The following PELI1 variants were observed in gnomAD, a reference collection of about 807,000 sequenced individuals.
The protein encoded by PELI1 is pellino E3 ubiquitin protein ligase 1.
Under a neutral mutation model 41.3 loss-of-function variants are expected in PELI1, and 15 were observed. That is an observed-to-expected ratio of 0.36 (90% CI 0.24 to 0.56). The LOEUF is 0.56. PELI1 is among the 20% of genes least tolerant of loss of function. The pLI, the probability that PELI1 is intolerant of heterozygous loss-of-function variation, is 0.82. For synonymous variants in PELI1, 178 were observed against 180.1 expected, an observed-to-expected ratio of 0.99 and a Z score of 0.09; for missense variants, 403 against 525.5, an observed-to-expected ratio of 0.77 and a Z score of 2.28.
intron 3 of PELI1, among the ~76,000 whole-genome samples, chr2:64,102,393 G>A (rs1038497668): frequency 2.6e-5 from 4 of 151,798 alleles, no homozygotes; most frequent in East Asian, 3.9e-4. Flanking sequence ...ACCAGGTTTC[G>A]CTATGTGGCA....
intron 1 of PELI1, among the ~76,000 whole-genome samples, chr2:64,136,780 A>G (rs1445247846): frequency 6.6e-6 from 1 of 152,114 alleles, no homozygotes; most frequent in Non-Finnish European, 1.5e-5. Context: ...GTGTGCGCCT[A>G]TAATCCCAGC....
At chr2:64,128,438 A>G (rs1389810505) in intron 1 of PELI1, among the ~76,000 whole-genome samples, 1 of 152,144 alleles carries the variant, frequency 6.6e-6, no homozygotes, top group Non-Finnish European at 1.5e-5. Context: ...AAGTGATTAG[A>G]ATTGCAAATG....
intron 1 of PELI1, among the ~76,000 whole-genome samples, chr2:64,115,530 G>A (rs561348817): frequency 6.6e-6 from 1 of 152,312 alleles, no homozygotes; most frequent in East Asian, 1.9e-4. Flanking sequence ...TAAGGGAACT[G>A]AGTAGGTCAG....
intron 1 of PELI1, among the ~76,000 whole-genome samples, chr2:64,124,325 G>A (rs1341450426): frequency 6.6e-6 from 1 of 152,086 alleles, no homozygotes; most frequent in African/African-American, 2.4e-5. Context: ...ATAAAGCGAA[G>A]CAAGCAAGCA....
At chr2:64,104,915 A>G in intron 2 of PELI1, 85 bp from the exon 3 acceptor site, 1 of 1,127,780 alleles carries the variant, frequency 8.9e-7, no homozygotes, top group Non-Finnish European at 1.3e-6. Flanking sequence ...TTGCAGAATC[A>G]ATTCCCAATT....
chr2:64,140,815 A>AAAAAAAAC, intron 1 of PELI1, among the ~76,000 whole-genome samples: 1 of 149,242 alleles, frequency 6.7e-6, no homozygotes, highest in African/African-American at 2.5e-5. Flanking sequence ...AAACAAAAAA[A>AAAAAAAAC]AACCTAGGGG....
intron 1 of PELI1, among the ~76,000 whole-genome samples, chr2:64,142,446 T>C (rs1226709265): frequency 6.6e-6 from 1 of 152,234 alleles, no homozygotes; most frequent in Non-Finnish European, 1.5e-5. Flanking sequence ...CTGATTATTA[T>C]TTACCTGAGG....
chr2:64,136,631 C>T (rs562171945), intron 1 of PELI1, among the ~76,000 whole-genome samples: 9 of 152,190 alleles, frequency 5.9e-5, no homozygotes, highest in African/African-American at 1.9e-4. Flanking sequence ...TGAGGCTGGG[C>T]GCGGCGGCTC....
At chr2:64,143,424 T>A (rs1018713116) in intron 1 of PELI1, 22 of 152,284 alleles carry the variant, frequency 1.4e-4, no homozygotes, top group African/African-American at 5.1e-4. Context: ...TTTCATATAC[T>A]CAGACACGAG....
chr2:64,100,531 G>A (rs182384670), intron 3 of PELI1, 32 bp from the exon 4 acceptor site: 2 of 1,019,214 alleles, frequency 2.0e-6, no homozygotes, highest in East Asian at 4.8e-5. Flanking sequence ...GCAAAAATTA[G>A]TAGGCAGGTC....
chr2:64,129,442 G>T (rs1681485436), intron 1 of PELI1, among the ~76,000 whole-genome samples: 1 of 152,102 alleles, frequency 6.6e-6, no homozygotes, highest in South Asian at 2.1e-4. Context: ...CCCAGATACT[G>T]TATTTGTTTA....
chr2:64,101,019 T>C (rs112192233), intron 3 of PELI1, among the ~76,000 whole-genome samples: 11,991 of 152,256 alleles, frequency 0.079, 711 homozygotes, highest in African/African-American at 0.17. Context: ...CGTGAGCCAC[T>C]GCGCCCGGCC....
chr2:64,108,601 C>T (rs1325877112), intron 1 of PELI1, among the ~76,000 whole-genome samples: 2 of 152,128 alleles, frequency 1.3e-5, no homozygotes, highest in Non-Finnish European at 2.9e-5. Context: ...AAGCATAGAG[C>T]AGACATACTT....
At chr2:64,137,875 T>A (rs891038787) in intron 1 of PELI1, among the ~76,000 whole-genome samples, 23 of 151,942 alleles carry the variant, frequency 1.5e-4, no homozygotes, top group East Asian at 7.7e-4. Context: ...ACAAAAAAAA[T>A]TTTTTTTTCT....
In PELI1 at chr2:64,094,487, A is replaced by G; in HGVS notation, c.*215T>C. On this transcript the variant is annotated 3_prime_UTR_variant, in exon 7 of 7. Transcript: ENST00000358912. ...TCCTCAAAATATATTTTCAAAACTC[A>G]GAATTCAGAAGACTGATACTTTCAG... The G allele has an allele frequency of 2.1e-6, 1 of 471,606 alleles. No homozygotes were observed. The highest frequency in any genetic ancestry group is 3.7e-6 in the Non-Finnish European group (1 of 268,028). 29.2% of individuals were successfully genotyped at this position (471,606 alleles called of 1,614,324 possible). A position where few individuals can be genotyped will look rare whatever the true frequency, so the allele number is the denominator to read the frequency against.
At chr2:64,133,871 C>A (rs1576102254) in intron 1 of PELI1, among the ~76,000 whole-genome samples, 2 of 152,122 alleles carry the variant, frequency 1.3e-5, no homozygotes, top group South Asian at 4.1e-4. Context: ...TAAGGACATA[C>A]ATGGAAGTAT....
At chr2:64,134,048 T>C (rs957665015) in intron 1 of PELI1, among the ~76,000 whole-genome samples, 9 of 152,060 alleles carry the variant, frequency 5.9e-5, no homozygotes, top group Non-Finnish European at 1.2e-4. Context: ...ACCTAGATGG[T>C]ATGAAGGAGC....
At chr2:64,115,925 T>C (rs941463038) in intron 1 of PELI1, among the ~76,000 whole-genome samples, 4 of 152,352 alleles carry the variant, frequency 2.6e-5, no homozygotes, top group South Asian at 2.1e-4. Context: ...ACTTCCTCAA[T>C]GTTCATTGTA....
At chr2:64,104,018 G>C (rs919733948) in intron 3 of PELI1, among the ~76,000 whole-genome samples, 3 of 152,194 alleles carry the variant, frequency 2.0e-5, no homozygotes, top group Non-Finnish European at 4.4e-5. Context: ...AAAAGCCCAA[G>C]TATCCTGAAA....
Sources: allele counts gnomAD v4.1 joint callset (sites outside exome capture counted in the v4.1 genomes callset), GRCh38; gene constraint gnomAD v4.1.1; transcripts MANE v1.5; gene names NCBI Gene and HGNC (gene_info 2026-07-23, HGNC 2026-07-21).